The following MAGI2 variants were observed in gnomAD, a reference collection of about 807,000 sequenced individuals.
MAGI2 encodes membrane associated guanylate kinase, WW and PDZ domain containing 2.
MAGI2 carries 35 observed loss-of-function variants against 133.3 expected under a neutral mutation model. That is an observed-to-expected ratio of 0.26 (90% CI 0.20 to 0.35). The LOEUF (loss-of-function observed/expected upper bound fraction) is 0.35, where lower values mean the gene tolerates loss of function less well. Among genes scored for constraint, MAGI2 ranks in the 10% least tolerant of loss-of-function variants. The pLI, the probability that MAGI2 is intolerant of heterozygous loss-of-function variation, is 1.00. For missense variants in MAGI2, 1,636 were observed against 1,863.4 expected (o/e 0.88, Z 2.25); for synonymous variants, 729 against 710.6 (o/e 1.03, Z -0.41).
intron 6 of MAGI2, among the ~76,000 whole-genome samples, chr7:78,378,771 T>C (rs974777859): frequency 1.3e-5 from 2 of 152,022 alleles, no homozygotes; most frequent in African/African-American, 4.8e-5. Context: ...ACAGGACTAA[T>C]GGTAATCATT....
intron 2 of MAGI2, among the ~76,000 whole-genome samples, chr7:78,975,081 T>G (rs1804127684): frequency 6.6e-6 from 1 of 151,184 alleles, no homozygotes; most frequent in Admixed American, 6.6e-5. Context: ...ACTATGAGAG[T>G]TGGAGACTCC....
chr7:78,798,461 T>C (rs1787794024), intron 2 of MAGI2, among the ~76,000 whole-genome samples: 2 of 152,190 alleles, frequency 1.3e-5, no homozygotes, highest in South Asian at 4.1e-4. Flanking sequence ...AATTCATTGG[T>C]CATGCCTGCA....
At chr7:79,219,945 A>G (rs1238145981) in intron 1 of MAGI2, among the ~76,000 whole-genome samples, 1 of 152,024 alleles carries the variant, frequency 6.6e-6, no homozygotes, top group Non-Finnish European at 1.5e-5. Flanking sequence ...AATAAATAAT[A>G]CACACGATTT....
intron 3 of MAGI2, chr7:78,621,377 G>A (rs541451673): frequency 5.1e-4 from 78 of 151,854 alleles, no homozygotes; most frequent in African/African-American, 1.9e-3. Flanking sequence ...AATCAATAAT[G>A]GATTATTAAT....
rs10485908 is a variant in MAGI2 at position 78,600,115 on chromosome 7, A to G, written c.538+27005T>C. The stretch of plus-strand genomic sequence containing the variant: ...TGGATACCTTTTTGTAAATATCTCC[A>G]TAAGTTTCAAAAATGTGATTATCTT... On this transcript the variant is annotated intron_variant, in intron 3 of 21. Transcript: ENST00000354212. Among the ~76,000 whole-genome samples, 2,327 of 152,288 alleles carry G rather than the reference A, an allele frequency of 0.015. 99 individuals carry two copies. The South Asian group carries it at 0.16, about 11-fold the overall frequency.
intron 1 of MAGI2, among the ~76,000 whole-genome samples, chr7:79,104,072 A>G (rs908921480): frequency 2.0e-5 from 3 of 152,192 alleles, no homozygotes; most frequent in Admixed American, 6.5e-5. Flanking sequence ...TGTGCACTTA[A>G]GATTTTAGTT....
intron 2 of MAGI2, among the ~76,000 whole-genome samples, chr7:78,956,915 A>T (rs1337920744): frequency 6.6e-6 from 1 of 152,132 alleles, no homozygotes; most frequent in Non-Finnish European, 1.5e-5. Flanking sequence ...TTGCTAGCTC[A>T]GGGTTTTCTG....
intron 5 of MAGI2, among the ~76,000 whole-genome samples, chr7:78,494,885 C>A (rs555833213): frequency 9.9e-5 from 15 of 152,042 alleles, no homozygotes; most frequent in Non-Finnish European, 2.1e-4. Flanking sequence ...ATGGTATTTC[C>A]CAGCCTCCCC....
intron 2 of MAGI2, among the ~76,000 whole-genome samples, chr7:78,961,252 T>C (rs548796992): frequency 7.2e-5 from 11 of 152,190 alleles, no homozygotes; most frequent in African/African-American, 1.2e-4. Context: ...TTACGTGATA[T>C]AAATGTAATC....
At chr7:79,059,467 C>T (rs1432514260) in intron 1 of MAGI2, among the ~76,000 whole-genome samples, 1 of 152,022 alleles carries the variant, frequency 6.6e-6, no homozygotes, top group African/African-American at 2.4e-5. Flanking sequence ...ATCTTAATGT[C>T]TGTATAATGG....
intron 2 of MAGI2, among the ~76,000 whole-genome samples, chr7:78,751,721 C>CA (rs1332096355): frequency 6.6e-6 from 1 of 152,194 alleles, no homozygotes; most frequent in African/African-American, 2.4e-5. Context: ...CAACTCAGGA[C>CA]AAACTATAAT....
intron 3 of MAGI2, among the ~76,000 whole-genome samples, chr7:78,541,887 G>A (rs1482842858): frequency 6.6e-6 from 1 of 152,162 alleles, no homozygotes; most frequent in East Asian, 1.9e-4. Flanking sequence ...GGACAATGTA[G>A]TTGTTTTTAG....
intron 1 of MAGI2, among the ~76,000 whole-genome samples, chr7:79,017,374 C>T (rs1157769729): frequency 4.6e-5 from 7 of 152,138 alleles, no homozygotes; most frequent in African/African-American, 1.7e-4. Flanking sequence ...TCAACTGAAC[C>T]CACCTTATGC....
intron 3 of MAGI2, among the ~76,000 whole-genome samples, chr7:78,607,327 G>A (rs190677418): frequency 6.6e-6 from 1 of 152,088 alleles, no homozygotes; most frequent in Non-Finnish European, 1.5e-5. Context: ...ACCTATAGAA[G>A]CAGAAAAGCC....
intron 1 of MAGI2, among the ~76,000 whole-genome samples, chr7:79,034,300 A>G (rs537673160): frequency 1.3e-5 from 2 of 152,290 alleles, no homozygotes; most frequent in African/African-American, 4.8e-5. Flanking sequence ...ACAAAATTTG[A>G]CCTGTCAAAT....
At chr7:78,348,266 T>C (rs1791122728) in intron 7 of MAGI2, 1 of 152,174 alleles carries the variant, frequency 6.6e-6, no homozygotes. Flanking sequence ...TCTAACTCTC[T>C]AAGCTTCAAT....
rs73370672 is a variant in MAGI2, at chr7:78,357,054, A to G, written c.1104-11011T>C. Among the ~76,000 whole-genome samples the G allele has an allele frequency of 4.8e-3, 731 of 152,380 alleles. 5 individuals are homozygous for G. The highest frequency in any genetic ancestry group is 0.017 in the African/African-American group (693 of 41,588). Reference sequence around the variant, plus strand: ...TTTTGAGGAGCAAACAAGATAAAATATAGAAAATGTTTAAAGATGAAGCAC... The same window carrying G: ...TTTTGAGGAGCAAACAAGATAAAATGTAGAAAATGTTTAAAGATGAAGCAC... On this transcript the variant is annotated intron_variant, in intron 7 of 21. Coordinates refer to ENST00000354212, the MANE Select transcript of MAGI2 (RefSeq NM_012301.4).
chr7:78,985,703 C>A (rs1012355612), intron 2 of MAGI2, among the ~76,000 whole-genome samples: 1 of 152,036 alleles, frequency 6.6e-6, no homozygotes, highest in Non-Finnish European at 1.5e-5. Flanking sequence ...CGCCATCTAC[C>A]GTACACTGGA....
chr7:79,029,917 T>C (rs938086080), intron 1 of MAGI2, among the ~76,000 whole-genome samples: 3 of 152,104 alleles, frequency 2.0e-5, no homozygotes, highest in African/African-American at 7.2e-5. Flanking sequence ...CTAGAAATTC[T>C]CAACAAGACA....
Sources: gnomAD v4.1 joint callset for allele counts (sites outside exome capture counted in the v4.1 genomes callset) on GRCh38, gnomAD v4.1.1 for gene constraint, MANE v1.5 for transcripts, NCBI Gene and HGNC (gene_info 2026-07-23, HGNC 2026-07-21) for gene names.